Variants in GSN observed in about 807,000 individuals in gnomAD.
The protein encoded by GSN is actin-depolymerizing factor.
A neutral mutation model predicts 85.7 loss-of-function variants in GSN; 56 were observed. The observed-to-expected ratio is 0.65, with a 90% CI of 0.53 to 0.82. GSN has a LOEUF of 0.82. GSN is among the 40% of genes least tolerant of loss of function. GSN has a pLI of 0.00. For missense variants in GSN, 857 were observed against 979.8 expected, an observed-to-expected ratio of 0.87 and a Z score of 1.67; for synonymous variants, 373 against 399.1, an observed-to-expected ratio of 0.93 and a Z score of 0.78.
At chr9:121,324,703 C>A in intron 12 of GSN, 59 bp downstream of exon 12, 1 of 819,746 alleles carries the variant, frequency 1.2e-6, no homozygotes, top group Non-Finnish European at 2.0e-6. Flanking sequence ...TCTCTTCACT[C>A]ATCTGTCTGA....
intron 2 of GSN, among the ~76,000 whole-genome samples, chr9:121,291,398 A>G (rs2058669077): frequency 6.8e-6 from 1 of 146,386 alleles, no homozygotes; most frequent in Non-Finnish European, 1.5e-5. Context: ...CTATTCTCTG[A>G]TATGTCTCCC....
chr9:121,271,114 A>T (rs1426465692), intron 1 of GSN, among the ~76,000 whole-genome samples: 2 of 152,244 alleles, frequency 1.3e-5, no homozygotes, highest in African/African-American at 4.8e-5. Flanking sequence ...TCACACCTGC[A>T]GTTCCAGCAT....
At chr9:121,241,258 A>G (rs749699276) in intron 5 of GSN, among the ~76,000 whole-genome samples, 3 of 152,250 alleles carry the variant, frequency 2.0e-5, no homozygotes, top group Non-Finnish European at 4.4e-5. Context: ...AACTTGGGAT[A>G]ATAAAGATGT....
chr9:121,317,347 G>T, intron 8 of GSN, 129 bp downstream of exon 8: 1 of 1,050,780 alleles, frequency 9.5e-7, no homozygotes, highest in Non-Finnish European at 1.5e-6. Flanking sequence ...GAAGTCTTGG[G>T]CTGAGGCCTT....
chr9:121,249,631 G>A (rs2054775459), intron 6 of GSN, among the ~76,000 whole-genome samples: 1 of 152,044 alleles, frequency 6.6e-6, no homozygotes, highest in South Asian at 2.1e-4. Flanking sequence ...CTCAAGACTG[G>A]TTCTCCTTTC....
At chr9:121,292,783 C>T (rs956051594) in intron 2 of GSN, among the ~76,000 whole-genome samples, 4 of 152,170 alleles carry the variant, frequency 2.6e-5, no homozygotes, top group African/African-American at 7.2e-5. Context: ...ACAGAGACTC[C>T]GCAGGCACTC....
At chr9:121,282,609 A>C (rs2057522040) in intron 2 of GSN, 8 of 913,294 alleles carry the variant, frequency 8.8e-6, no homozygotes, top group African/African-American at 1.7e-5. Flanking sequence ...GGGATTCCCA[A>C]AAGGTCTGCC....
chr9:121,274,880 TA>T (rs1284786889), intron 1 of GSN, among the ~76,000 whole-genome samples: 1 of 152,202 alleles, frequency 6.6e-6, no homozygotes, highest in African/African-American at 2.4e-5. Context: ...ATTCTTTTGC[TA>T]AAACTGGATT....
chr9:121,305,506 A>C (rs1000058860), intron 4 of GSN, among the ~76,000 whole-genome samples: 2 of 152,220 alleles, frequency 1.3e-5, no homozygotes, highest in Non-Finnish European at 2.9e-5. Context: ...AAGGTCACAC[A>C]GCTAGTAAGT....
chr9:121,314,021 A>C lies in GSN; in HGVS notation c.751A>C (p.Lys251Gln), dbSNP rs780450190. Residue 251 changes from lysine (K) to glutamine (Q), a missense_variant and splice_region_variant, in exon 7 of 18, where the codon AAG (lysine) becomes CAG (glutamine). Physicochemically the swap from Lys to Gln is moderately conservative, Grantham distance 53. Coordinates refer to ENST00000432226, the MANE Select transcript of GSN (RefSeq NM_198252.3). Reference sequence around the variant, plus strand: ...CAACCGCAAGCTGGCCAAGCTCTACAAGGTGAGCACCAGATGCACTGTCTG... The same window carrying C: ...CAACCGCAAGCTGGCCAAGCTCTACCAGGTGAGCACCAGATGCACTGTCTG... ...AANRKLAKLY[K>Q]VSNGAGTMSV... 2.5e-6 allele frequency: 4 copies of C among 1,610,638 alleles called. No homozygotes were observed. The African/African-American group carries it at 4.0e-5, about 16-fold the overall frequency.
At chr9:121,310,915 T>A in intron 5 of GSN, 70 bp downstream of exon 5, 6 of 1,428,666 alleles carry the variant, frequency 4.2e-6, no homozygotes, top group Non-Finnish European at 5.9e-6. Flanking sequence ...CTTGGGTACA[T>A]CCACGTGAAC....
At chr9:121,225,109 A>G (rs1055354036) in intron 4 of GSN, among the ~76,000 whole-genome samples, 3 of 152,178 alleles carry the variant, frequency 2.0e-5, no homozygotes, top group African/African-American at 7.2e-5. Flanking sequence ...ATGAGCTACC[A>G]TGCCCAGCCA....
At chr9:121,253,548 C>G (rs942733840) in intron 6 of GSN, among the ~76,000 whole-genome samples, 3 of 152,154 alleles carry the variant, frequency 2.0e-5, no homozygotes, top group African/African-American at 7.2e-5. Context: ...CCTGGAGTCA[C>G]GGGACAGGTT....
chr9:121,235,698 G>A (rs192722422), intron 5 of GSN, among the ~76,000 whole-genome samples: 262 of 152,286 alleles, frequency 1.7e-3, no homozygotes, highest in Non-Finnish European at 8.5e-4. Flanking sequence ...AGTGGAGAAA[G>A]CTTGCTGGTT....
intron 1 of GSN, among the ~76,000 whole-genome samples, chr9:121,277,128 T>C (rs2132496396): frequency 6.6e-6 from 1 of 152,272 alleles, no homozygotes; most frequent in Non-Finnish European, 1.5e-5. Flanking sequence ...TATTTTAAGA[T>C]CCAGTGGTAG....
intron 1 of GSN, among the ~76,000 whole-genome samples, chr9:121,274,455 C>T (rs183185494): frequency 6.6e-6 from 1 of 152,182 alleles, no homozygotes; most frequent in African/African-American, 2.4e-5. Context: ...TAGAAGTGAG[C>T]CCTAGAAATG....
intron 4 of GSN, among the ~76,000 whole-genome samples, chr9:121,304,888 A>G (rs921449837): frequency 6.6e-6 from 1 of 152,070 alleles, no homozygotes; most frequent in African/African-American, 2.4e-5. Flanking sequence ...GAGTGTTCTG[A>G]GGAGTTGGGG....
chr9:121,239,596 C>T, intron 5 of GSN: 2 of 273,686 alleles, frequency 7.3e-6, no homozygotes, highest in Admixed American at 4.4e-5. Flanking sequence ...TTCATACCAA[C>T]TATGGCTGAA....
chr9:121,272,889 G>A (rs981446349), intron 1 of GSN, among the ~76,000 whole-genome samples: 1 of 152,160 alleles, frequency 6.6e-6, no homozygotes, highest in Middle Eastern at 3.2e-3. Flanking sequence ...CATTTTACCA[G>A]TGAGGAAACT....
Sources: allele counts gnomAD v4.1 joint callset (sites outside exome capture counted in the v4.1 genomes callset), GRCh38; gene constraint gnomAD v4.1.1; transcripts MANE v1.5; gene names NCBI Gene and HGNC (gene_info 2026-07-23, HGNC 2026-07-21).